The following CCDC88A variants were observed in gnomAD, a reference collection of about 807,000 sequenced individuals.
The protein encoded by CCDC88A is girdin.
CCDC88A carries 54 observed loss-of-function variants against 234.3 expected under a neutral mutation model. That is an observed-to-expected ratio of 0.23 (90% CI 0.19 to 0.29). The LOEUF is 0.29. Ranked by LOEUF, CCDC88A falls within the 10% of genes least tolerant of loss-of-function variation. CCDC88A has a pLI of 1.00. For synonymous variants in CCDC88A, 753 were observed against 737.8 expected, an observed-to-expected ratio of 1.02 and a Z score of -0.33; for missense variants, 1,832 against 2,123.4, an observed-to-expected ratio of 0.86 and a Z score of 2.70.
Position 55,334,688 on chromosome 2 carries a change from T to G in CCDC88A, c.2133A>C (p.Glu711Asp). 6.2e-7 allele frequency: 1 copy of G among 1,613,752 alleles called. No individual in the cohort carries two copies. The highest frequency in any genetic ancestry group is 8.5e-7 in the Non-Finnish European group (1 of 1,179,804). The change falls in exon 15 of 33, where the codon GAA becomes GAC. Residue 711 changes from glutamate (E) to aspartate (D), a missense_variant. By Grantham distance (45) the Glu-to-Asp change is conservative. Around this residue, in one of 6 missense-constraint regions of CCDC88A, gnomAD observed 1,282 missense variants for 1,543.6 expected, o/e 0.83. Coordinates refer to ENST00000436346, the MANE Select transcript of CCDC88A (RefSeq NM_001365480.1). The surrounding 1 kb of genome is among the most constrained non-coding windows in gnomAD (Gnocchi z 6.1). ...EENLELRRNV[E>D]SLKCASMKMA... is the part of the protein sequence containing the mutation. ...TTTTCATGCTTGCACACTTCAAAGATTCTACATTCCTTCGCAGTTCTAAGT... is the reference window on the plus strand; with the variant it reads ...TTTTCATGCTTGCACACTTCAAAGAGTCTACATTCCTTCGCAGTTCTAAGT...
At chr2:55,383,697 G>T (rs1315656030) in intron 3 of CCDC88A, among the ~76,000 whole-genome samples, 1 of 151,474 alleles carries the variant, frequency 6.6e-6, no homozygotes, top group Non-Finnish European at 1.5e-5. Context: ...CATCTTCTCA[G>T]GGGCATATGA....
chr2:55,383,939 T>G (rs891802241), intron 3 of CCDC88A, among the ~76,000 whole-genome samples: 1 of 152,054 alleles, frequency 6.6e-6, no homozygotes, highest in African/African-American at 2.4e-5. Flanking sequence ...ATTTAAAGTA[T>G]TGGTTGGTGC....
intron 23 of CCDC88A, among the ~76,000 whole-genome samples, chr2:55,310,809 T>C (rs578127047): frequency 6.6e-6 from 1 of 152,018 alleles, no homozygotes; most frequent in Admixed American, 6.6e-5. Context: ...TGCAGAAGAG[T>C]TGACATTTGA....
chr2:55,358,200 C>T (rs1323747338), intron 7 of CCDC88A, among the ~76,000 whole-genome samples: 6 of 152,146 alleles, frequency 3.9e-5, no homozygotes, highest in Non-Finnish European at 7.4e-5. Flanking sequence ...AACATGATCT[C>T]ATCCAATACT....
intron 31 of CCDC88A, chr2:55,293,429 TA>T (rs1205473775): frequency 6.6e-6 from 1 of 152,166 alleles, no homozygotes; most frequent in African/African-American, 2.4e-5. Flanking sequence ...GCAAAAAGTA[TA>T]TTAGGTGGTA....
intron 14 of CCDC88A, among the ~76,000 whole-genome samples, chr2:55,336,149 G>C (rs1342614076): frequency 1.3e-5 from 2 of 152,126 alleles, no homozygotes; most frequent in Non-Finnish European, 2.9e-5. Flanking sequence ...AGCTATGATT[G>C]TGCCACTGCA....
At chr2:55,314,549 C>A (rs895729777) in intron 22 of CCDC88A, 1 of 152,356 alleles carries the variant, frequency 6.6e-6, no homozygotes, top group Non-Finnish European at 1.5e-5. Flanking sequence ...GGATTACAGG[C>A]ATGTGCCACC....
chr2:55,415,778 C>T (rs1216397018), intron 2 of CCDC88A, among the ~76,000 whole-genome samples: 1 of 152,164 alleles, frequency 6.6e-6, no homozygotes, highest in Non-Finnish European at 1.5e-5. Flanking sequence ...CAAGTAGGTC[C>T]TGTTTCCACC....
rs1264888178 is a variant in CCDC88A at position 55,419,174 on chromosome 2, T to C, written c.-95A>G. 12 of 765,270 alleles carry C rather than the reference T, an allele frequency of 1.6e-5. No individual in the cohort carries two copies. Among genetic ancestry groups the C allele is most frequent in the Non-Finnish European group, 2.4e-5 (11 of 450,148 alleles). The allele number at this position is 765,270 out of a possible 1,614,324, so 47.4% of individuals were successfully genotyped here. A position where few individuals can be genotyped will look rare whatever the true frequency, so the allele number is the denominator to read the frequency against. The stretch of plus-strand genomic sequence containing the variant: ...GGAAGTAAGTAGAAATCAATGAAAG[T>C]CCATTTCGGCAAGGGAGAAAAATCC... On this transcript the variant is annotated 5_prime_UTR_variant, in exon 1 of 33. Coordinates refer to ENST00000436346, the MANE Select transcript of CCDC88A (RefSeq NM_001365480.1).
intron 18 of CCDC88A, among the ~76,000 whole-genome samples, chr2:55,319,948 A>T (rs1370740266): frequency 1.3e-5 from 2 of 152,184 alleles, no homozygotes; most frequent in African/African-American, 4.8e-5. Flanking sequence ...TATCATATCT[A>T]TATGTAAATA....
chr2:55,332,771 T>A lies in CCDC88A; in HGVS notation c.2728-78A>T. On this transcript the variant is annotated intron_variant, in intron 15 of 32. Coordinates refer to ENST00000436346, the MANE Select transcript of CCDC88A (RefSeq NM_001365480.1). The surrounding 1 kb of genome is among the most constrained non-coding windows in gnomAD (Gnocchi z 4.5). ...TAAGAAAGTCAGCTAAGATTCTAAT[T>A]ACCACCATCTAGGAATACATGTAAT... 1 of 1,225,740 alleles carries A rather than the reference T, an allele frequency of 8.2e-7. No individual in the cohort carries two copies. Among genetic ancestry groups the A allele is most frequent in the Non-Finnish European group, 1.2e-6 (1 of 849,886 alleles). The allele number at this position is 1,225,740 out of a possible 1,614,324, so 75.9% of individuals were successfully genotyped here. A position where few individuals can be genotyped will look rare whatever the true frequency, so the allele number is the denominator to read the frequency against.
chr2:55,357,929 C>G lies in CCDC88A; in HGVS notation c.628-2178G>C, dbSNP rs370924923. 2.3e-4 allele frequency among the ~76,000 whole-genome samples: 35 copies of G among 152,262 alleles called. No individual in the cohort carries two copies. In the East Asian group the frequency reaches 3.9e-3, roughly 17 times the overall value. On this transcript the variant is annotated intron_variant, in intron 7 of 32. Coordinates refer to ENST00000436346, the MANE Select transcript of CCDC88A (RefSeq NM_001365480.1). ...AATACATACAGTTTTCTCCAGCAAA[C>G]AAAGCAATTCTTCTATTGTAGCACG...
intron 3 of CCDC88A, among the ~76,000 whole-genome samples, chr2:55,388,004 A>G (rs979482657): frequency 1.3e-5 from 2 of 152,120 alleles, no homozygotes; most frequent in African/African-American, 2.4e-5. Flanking sequence ...ACAAATCAAC[A>G]AGGCTGTAAA....
intron 2 of CCDC88A, among the ~76,000 whole-genome samples, chr2:55,415,530 C>T (rs1681219104): frequency 6.6e-6 from 1 of 152,084 alleles, no homozygotes; most frequent in African/African-American, 2.4e-5. Flanking sequence ...TTCCAGGCCA[C>T]AGAACAGGAA....
intron 3 of CCDC88A, among the ~76,000 whole-genome samples, chr2:55,379,771 G>T (rs1239251188): frequency 6.6e-6 from 1 of 152,070 alleles, no homozygotes; most frequent in African/African-American, 2.4e-5. Flanking sequence ...AAATTAGCCA[G>T]GCGTGGTGGT....
chr2:55,289,064 G>C lies in CCDC88A; in HGVS notation c.*2136C>G, dbSNP rs74971692. 2,107 of 152,680 alleles carry C rather than the reference G, an allele frequency of 0.014. 29 individuals carry two copies. The highest frequency in any genetic ancestry group is 0.027 in the Middle Eastern group (8 of 294). 9.5% of individuals were successfully genotyped at this position (152,680 alleles called of 1,614,324 possible). A position where few individuals can be genotyped will look rare whatever the true frequency, so the allele number is the denominator to read the frequency against. ...GTCTCTTTAATTGTCCCTTCTCAGG[G>C]TCAGCCTACTCAGATTCAGTACTTT... On this transcript the variant is annotated 3_prime_UTR_variant, in exon 33 of 33. Transcript: ENST00000436346.
chr2:55,352,018 T>C (rs901753685), intron 8 of CCDC88A, among the ~76,000 whole-genome samples: 2 of 152,170 alleles, frequency 1.3e-5, no homozygotes, highest in Non-Finnish European at 2.9e-5. Context: ...ATGTCCAGAA[T>C]AGGCAAAGTC....
At chr2:55,346,037 C>A in intron 10 of CCDC88A, 138 bp downstream of exon 10, 1 of 579,968 alleles carries the variant, frequency 1.7e-6, no homozygotes, top group Non-Finnish European at 3.0e-6. Context: ...GCTAATCTAT[C>A]ATAAAATAAA....
At chr2:55,394,222 T>A (rs765801347) in intron 2 of CCDC88A, 7 of 152,200 alleles carry the variant, frequency 4.6e-5, no homozygotes, top group Non-Finnish European at 1.0e-4. Flanking sequence ...AATGATGGTT[T>A]CCAACTTCAT....
Sources: allele counts gnomAD v4.1 joint callset (sites outside exome capture counted in the v4.1 genomes callset), GRCh38; gene constraint gnomAD v4.1.1; regional missense constraint gnomAD v4.1.1; non-coding constraint Gnocchi (gnomAD v3.1); transcripts MANE v1.5; gene names NCBI Gene and HGNC (gene_info 2026-07-23, HGNC 2026-07-21).